Variants in CDKAL1 observed in about 807,000 individuals in gnomAD.
CDKAL1 encodes the protein threonylcarbamoyladenosine tRNA methylthiotransferase.
CDKAL1 carries 32 observed loss-of-function variants against 68.2 expected under a neutral mutation model. That is an observed-to-expected ratio of 0.47 (90% CI 0.35 to 0.63). CDKAL1 has a LOEUF of 0.63. Among genes scored for constraint, CDKAL1 ranks in the 30% least tolerant of loss-of-function variants. The pLI is 0.00. For synonymous variants in CDKAL1, 234 were observed against 244.3 expected, an observed-to-expected ratio of 0.96 and a Z score of 0.39; for missense variants, 606 against 696.7, an observed-to-expected ratio of 0.87 and a Z score of 1.47.
chr6:20,871,668 C>CAAG (rs1760226994), intron 9 of CDKAL1, among the ~76,000 whole-genome samples: 1 of 152,042 alleles, frequency 6.6e-6, no homozygotes, highest in African/African-American at 2.4e-5. Context: ...GGCCCTTGAC[C>CAAG]AAGACCTCTA....
At chr6:20,766,353 T>C (rs780810886) in intron 7 of CDKAL1, among the ~76,000 whole-genome samples, 40 of 152,152 alleles carry the variant, frequency 2.6e-4, no homozygotes, top group Non-Finnish European at 1.0e-4. Flanking sequence ...TTGATAATCA[T>C]ATTGTAGTTT....
intron 8 of CDKAL1, among the ~76,000 whole-genome samples, chr6:20,789,936 A>C (rs1227606186): frequency 6.6e-6 from 1 of 152,180 alleles, no homozygotes; most frequent in East Asian, 1.9e-4. Flanking sequence ...CCTGCAAATG[A>C]ATGTTGATTT....
At chr6:20,778,910 C>T (rs1668663293) in intron 7 of CDKAL1, among the ~76,000 whole-genome samples, 1 of 152,150 alleles carries the variant, frequency 6.6e-6, no homozygotes, top group South Asian at 2.1e-4. Context: ...GAAACACCCT[C>T]ACAGAGACGT....
chr6:21,174,180 C>A (rs942121647), intron 13 of CDKAL1, among the ~76,000 whole-genome samples: 1 of 151,970 alleles, frequency 6.6e-6, no homozygotes, highest in African/African-American at 2.4e-5. Context: ...GCAAATACAC[C>A]TGGAAATAAA....
intron 5 of CDKAL1, among the ~76,000 whole-genome samples, chr6:20,657,887 C>T (rs1486939178): frequency 6.6e-6 from 1 of 152,104 alleles, no homozygotes; most frequent in African/African-American, 2.4e-5. Flanking sequence ...AGGAAGCCCC[C>T]TGTGTTATGA....
In CDKAL1 at chr6:20,833,226, T is replaced by C. The variant is rs185139028; in HGVS notation, c.639-12849T>C. On this transcript the variant is annotated intron_variant, in intron 8 of 15. Coordinates refer to ENST00000274695, the MANE Select transcript of CDKAL1 (RefSeq NM_017774.3). The stretch of plus-strand genomic sequence containing the variant: ...GTTCCAGCGTTAGTTTTTTGTGAGC[T>C]TTACTGACTGCGTGAGAGAAGAGTT... Among the ~76,000 whole-genome samples the C allele has an allele frequency of 1.7e-3, 262 of 152,308 alleles. 1 individual carries two copies. Among genetic ancestry groups the C allele is most frequent in the African/African-American group, 5.8e-3 (242 of 41,558 alleles).
intron 4 of CDKAL1, among the ~76,000 whole-genome samples, chr6:20,627,049 C>G (rs544178205): frequency 6.6e-6 from 1 of 152,116 alleles, no homozygotes; most frequent in South Asian, 2.1e-4. Context: ...AGCCCAAATC[C>G]GAATATATCC....
intron 13 of CDKAL1, among the ~76,000 whole-genome samples, chr6:21,126,835 C>T (rs1775037262): frequency 6.6e-6 from 1 of 152,082 alleles, no homozygotes; most frequent in South Asian, 2.1e-4. Flanking sequence ...TATTGGCTTC[C>T]TTAATTGAAC....
intron 12 of CDKAL1, among the ~76,000 whole-genome samples, chr6:21,079,728 T>A (rs929314892): frequency 6.6e-6 from 1 of 152,198 alleles, no homozygotes; most frequent in Non-Finnish European, 1.5e-5. Context: ...GATGACATTA[T>A]CTTCCCTAAT....
intron 4 of CDKAL1, among the ~76,000 whole-genome samples, chr6:20,599,752 C>T (rs949622971): frequency 6.6e-6 from 1 of 152,080 alleles, no homozygotes; most frequent in Non-Finnish European, 1.5e-5. Context: ...ACTCCATTTA[C>T]AGTTGATAAA....
chr6:20,886,758 T>G (rs1051142229), intron 9 of CDKAL1, among the ~76,000 whole-genome samples: 1 of 152,178 alleles, frequency 6.6e-6, no homozygotes, highest in Non-Finnish European at 1.5e-5. Context: ...GGGGAGTTAT[T>G]GCTTAATGGA....
At chr6:21,196,778 T>C (rs752890027) in intron 13 of CDKAL1, among the ~76,000 whole-genome samples, 3 of 152,158 alleles carry the variant, frequency 2.0e-5, no homozygotes, top group Non-Finnish European at 4.4e-5. Context: ...GTCATAATTA[T>C]TAAGTAGCAT....
Position 20,685,565 on chromosome 6 carries a change from C to A in CDKAL1, c.371+36188C>A, listed in dbSNP as rs765512657. ...CTTGCTGGGATTTTGATAGGGATTG[C>A]ATTGAATCTATAGATCAAGTTGGAA... On this transcript the variant is annotated intron_variant, in intron 5 of 15. Transcript: ENST00000274695. 2.8e-4 allele frequency among the ~76,000 whole-genome samples: 42 copies of A among 152,272 alleles called. 1 individual carries two copies. In the Middle Eastern group the frequency reaches 0.027, roughly 99 times the overall value.
intron 4 of CDKAL1, among the ~76,000 whole-genome samples, chr6:20,631,413 T>C (rs1767670422): frequency 6.6e-6 from 1 of 152,212 alleles, no homozygotes; most frequent in Admixed American, 6.5e-5. Context: ...GACCTGCTCC[T>C]CCCTAGAGCT....
intron 9 of CDKAL1, among the ~76,000 whole-genome samples, chr6:20,907,141 A>G (rs924311260): frequency 7.9e-5 from 12 of 152,216 alleles, no homozygotes; most frequent in African/African-American, 2.4e-4. Flanking sequence ...AAAAGTTCTG[A>G]AGATTGATGG....
Position 21,165,278 on chromosome 6 carries a change from G to A in CDKAL1, c.1300-32743G>A, listed in dbSNP as rs544497210. Among the ~76,000 whole-genome samples the A allele has an allele frequency of 7.9e-5, 12 of 152,226 alleles. No individual in the cohort carries two copies. In the South Asian group the frequency reaches 1.7e-3, roughly 21 times the overall value. On this transcript the variant is annotated intron_variant, in intron 13 of 15. Transcript: ENST00000274695. ...CTCCTGCCATCAGCTTCTTCTTTAC[G>A]GCCCAACTCTCCTAAAATATGGTGC...
chr6:20,980,639 T>C (rs1314790019), intron 10 of CDKAL1, among the ~76,000 whole-genome samples: 1 of 151,848 alleles, frequency 6.6e-6, no homozygotes, highest in African/African-American at 2.4e-5. Context: ...ATGCAGTCTT[T>C]AACGGCATGG....
chr6:20,969,151 C>T (rs1765467857), intron 10 of CDKAL1, among the ~76,000 whole-genome samples: 1 of 152,078 alleles, frequency 6.6e-6, no homozygotes, highest in South Asian at 2.1e-4. Flanking sequence ...GAGGTACCCC[C>T]TCAGTGCAGT....
chr6:20,550,114 G>C lies in CDKAL1; in HGVS notation c.286+1409G>C, dbSNP rs532670524. Among the ~76,000 whole-genome samples the C allele has an allele frequency of 3.9e-5, 6 of 152,178 alleles. No homozygotes were observed. In the South Asian group the frequency reaches 6.2e-4, roughly 16 times the overall value. On this transcript the variant is annotated intron_variant, in intron 4 of 15. Transcript: ENST00000274695. ...CTGCCTCAGCCTCCCAAGTAGCTGG[G>C]ATTACAGGCATGCGCCACCACACCA...
Sources: allele counts gnomAD v4.1 joint callset (sites outside exome capture counted in the v4.1 genomes callset), GRCh38; gene constraint gnomAD v4.1.1; transcripts MANE v1.5; gene names NCBI Gene and HGNC (gene_info 2026-07-23, HGNC 2026-07-21).